RIMS1: variants seen among roughly 807,000 people sequenced by gnomAD.
RIMS1 encodes the protein regulating synaptic membrane exocytosis protein 1.
RIMS1 carries 83 observed loss-of-function variants against 214.1 expected under a neutral mutation model. The observed-to-expected ratio is 0.39, with a 90% CI of 0.32 to 0.47. The LOEUF is 0.47. Ranked by LOEUF, RIMS1 falls within the 20% of genes least tolerant of loss-of-function variation. The pLI is 0.99. For synonymous variants in RIMS1, 793 were observed against 786.8 expected, an observed-to-expected ratio of 1.01 and a Z score of -0.13; for missense variants, 2,050 against 2,161.8, an observed-to-expected ratio of 0.95 and a Z score of 1.03.
At chr6:72,324,237 A>T (rs576436236) in intron 28 of RIMS1, among the ~76,000 whole-genome samples, 1 of 152,178 alleles carries the variant, frequency 6.6e-6, no homozygotes, top group African/African-American at 2.4e-5. Flanking sequence ...ATCTTGTGGT[A>T]GTTAAAACAT....
intron 24 of RIMS1, among the ~76,000 whole-genome samples, chr6:72,288,307 T>A (rs757433837): frequency 1.3e-5 from 2 of 152,250 alleles, no homozygotes; most frequent in Non-Finnish European, 2.9e-5. Context: ...AAGGTACATA[T>A]GTATATACTT....
At chr6:72,270,503 A>G (rs1563329978) in intron 22 of RIMS1, among the ~76,000 whole-genome samples, 1 of 152,120 alleles carries the variant, frequency 6.6e-6, no homozygotes, top group African/African-American at 2.4e-5. Context: ...AACACCTTCT[A>G]CTTTTCACTT....
chr6:72,206,197 G>T (rs768465953), intron 6 of RIMS1, among the ~76,000 whole-genome samples: 1 of 151,984 alleles, frequency 6.6e-6, no homozygotes, highest in Non-Finnish European at 1.5e-5. Context: ...GTTGTTTTCT[G>T]TGTCTCTTCA....
At chr6:72,205,728 C>T (rs528710294) in intron 6 of RIMS1, among the ~76,000 whole-genome samples, 153 of 152,118 alleles carry the variant, frequency 1.0e-3, no homozygotes, top group Admixed American at 3.1e-3. Flanking sequence ...AGTATCTTGG[C>T]ATAATAAATA....
At chr6:71,942,533 A>G (rs927054096) in intron 1 of RIMS1, among the ~76,000 whole-genome samples, 1 of 152,170 alleles carries the variant, frequency 6.6e-6, no homozygotes, top group African/African-American at 2.4e-5. Flanking sequence ...TTTTATGTAC[A>G]TTATATATTA....
At position 72,333,779 on chromosome 6, in the gene RIMS1, A is replaced by G. The variant is rs758377481; in HGVS notation, c.4310A>G (p.Lys1437Arg). ...GKKRRSSLSA[K>R]VVAIVSRRSR... ...AAACGGAGATCCAGCCTTAGTGCCA[A>G]AGTGGTTGCCATAGTGTCTCGAAGG... Residue 1437 changes from lysine (K) to arginine (R), a missense_variant, in exon 29 of 34, where the codon AAA (lysine) becomes AGA (arginine). By Grantham distance (26) the Lys-to-Arg change is conservative. Transcript: ENST00000521978. The G allele has an allele frequency of 1.3e-6, 2 of 1,598,014 alleles. No individual in the cohort carries two copies. Among genetic ancestry groups the G allele is most frequent in the Admixed American group, 3.5e-5 (2 of 57,802 alleles).
At chr6:72,148,421 T>C (rs559382750) in intron 4 of RIMS1, among the ~76,000 whole-genome samples, 12 of 152,296 alleles carry the variant, frequency 7.9e-5, no homozygotes, top group Admixed American at 2.0e-4. Flanking sequence ...CTTCTATCCT[T>C]ATATCCTCGA....
At chr6:72,274,320 T>G (rs771605696) in intron 22 of RIMS1, 29 bp from the exon 23 acceptor site, 25 of 1,538,486 alleles carry the variant, frequency 1.6e-5, no homozygotes, top group Non-Finnish European at 2.2e-5. Context: ...ATGTCCTGTT[T>G]TTTCCTGTCT....
intron 4 of RIMS1, among the ~76,000 whole-genome samples, chr6:72,133,670 G>A (rs1285975062): frequency 6.6e-6 from 1 of 152,090 alleles, no homozygotes. Flanking sequence ...CTCACTGACT[G>A]TGGATGACAC....
intron 28 of RIMS1, among the ~76,000 whole-genome samples, chr6:72,325,457 A>G (rs1290426791): frequency 2.0e-5 from 3 of 150,928 alleles, no homozygotes; most frequent in East Asian, 3.9e-4. Flanking sequence ...ATATAAATAT[A>G]TATATATAAT....
chr6:72,128,036 A>T (rs1178040245), intron 4 of RIMS1, among the ~76,000 whole-genome samples: 2 of 152,156 alleles, frequency 1.3e-5, no homozygotes, highest in Non-Finnish European at 2.9e-5. Context: ...GCTTTGTCCA[A>T]AGGGAAAATA....
intron 23 of RIMS1, among the ~76,000 whole-genome samples, chr6:72,276,214 C>A (rs115179336): frequency 6.6e-6 from 1 of 152,086 alleles, no homozygotes; most frequent in Admixed American, 6.6e-5. Context: ...GAACCTGCCC[C>A]CTCCGATCCC....
At chr6:72,197,029 C>T (rs1450100174) in intron 6 of RIMS1, among the ~76,000 whole-genome samples, 1 of 152,002 alleles carries the variant, frequency 6.6e-6, no homozygotes. Flanking sequence ...GATTTAAATC[C>T]TAGGTAAATA....
chr6:72,017,137 A>G (rs915898999), intron 2 of RIMS1, among the ~76,000 whole-genome samples: 3 of 152,194 alleles, frequency 2.0e-5, no homozygotes, highest in Non-Finnish European at 4.4e-5. Context: ...TGTGTTCACT[A>G]CAACTGATGT....
intron 2 of RIMS1, among the ~76,000 whole-genome samples, chr6:72,073,156 A>G (rs1371274490): frequency 2.6e-5 from 4 of 151,994 alleles, no homozygotes. Flanking sequence ...CAGCATTTGT[A>G]TTTTTGTCAT....
At chr6:72,352,296 A>G (rs993325559) in intron 29 of RIMS1, among the ~76,000 whole-genome samples, 1 of 152,226 alleles carries the variant, frequency 6.6e-6, no homozygotes, top group Admixed American at 6.5e-5. Context: ...TCAGGTACAT[A>G]CAATGAGTCA....
chr6:72,041,770 C>G (rs1252909595), intron 2 of RIMS1, among the ~76,000 whole-genome samples: 1 of 151,948 alleles, frequency 6.6e-6, no homozygotes, highest in African/African-American at 2.4e-5. Context: ...CAATGCTGTG[C>G]AGACACAAAA....
At chr6:72,062,882 C>CT (rs1362094944) in intron 2 of RIMS1, among the ~76,000 whole-genome samples, 2 of 152,124 alleles carry the variant, frequency 1.3e-5, no homozygotes, top group Non-Finnish European at 2.9e-5. Flanking sequence ...CTGTACTTCT[C>CT]TGTCTCTGTG....
At chr6:72,218,513 C>CAAAT (rs1250020505) in intron 6 of RIMS1, among the ~76,000 whole-genome samples, 2 of 152,136 alleles carry the variant, frequency 1.3e-5, no homozygotes, top group Non-Finnish European at 1.5e-5. Flanking sequence ...TGCTGCCTAC[C>CAAAT]AAATACTAGT....
Sources: allele counts gnomAD v4.1 joint callset (sites outside exome capture counted in the v4.1 genomes callset), GRCh38; gene constraint gnomAD v4.1.1; transcripts MANE v1.5; gene names NCBI Gene and HGNC (gene_info 2026-07-23, HGNC 2026-07-21).